The following LMNB2 variants were observed in gnomAD, a reference collection of about 807,000 sequenced individuals.
The protein encoded by LMNB2 is lamin-B2.
A neutral mutation model predicts 69.3 loss-of-function variants in LMNB2; 17 were observed. The observed-to-expected ratio is 0.25, with a 90% CI of 0.17 to 0.37. The LOEUF (loss-of-function observed/expected upper bound fraction) is 0.37, where lower values mean the gene tolerates loss of function less well. LMNB2 is among the 10% of genes least tolerant of loss of function. The pLI is 1.00. For missense variants in LMNB2, 789 were observed against 883.6 expected (o/e 0.89, Z 1.36); for synonymous variants, 397 against 389.3 (o/e 1.02, Z -0.23).
rs572580531 is a variant in LMNB2 at position 2,434,645 on chromosome 19, G to A, written c.982-130C>T. ...GACCAGGCCTGGGCATGGGGCGCAC[G>A]GGAGGGGAGGGAAGGGGCATCGCTG... is the stretch of plus-strand genomic sequence containing the variant. On this transcript the variant is annotated intron_variant, in intron 6 of 11. Transcript: ENST00000325327. 6.7e-5 allele frequency: 100 copies of A among 1,494,248 alleles called. 1 individual carries two copies. The South Asian group carries it at 1.1e-3, about 16-fold the overall frequency. The allele number at this position is 1,494,248 out of a possible 1,614,324, so 92.6% of individuals were successfully genotyped here. A position where few individuals can be genotyped will look rare whatever the true frequency, so the allele number is the denominator to read the frequency against.
At chr19:2,434,221 GC>G in intron 7 of LMNB2, 73 bp downstream of exon 7, 2 of 1,556,792 alleles carry the variant, frequency 1.3e-6, no homozygotes, top group Non-Finnish European at 1.7e-6. Context: ...ACTCCCCGCA[GC>G]CCCGTCCCGC....
Position 2,447,004 on chromosome 19 carries a change from C to A in LMNB2, c.265-2464G>T, listed in dbSNP as rs113486722. Among the ~76,000 whole-genome samples, 1 of 151,614 alleles carries A rather than the reference C, an allele frequency of 6.6e-6. No individual in the cohort carries two copies. Among genetic ancestry groups the A allele is most frequent in the Non-Finnish European group, 1.5e-5 (1 of 67,936 alleles). ...AAAAACATACAAAAAATTAGCCAGG[C>A]GTGGTGGTGGGCGCCTGTGGTCCCA... On this transcript the variant is annotated intron_variant, in intron 1 of 11. Coordinates refer to ENST00000325327, the MANE Select transcript of LMNB2 (RefSeq NM_032737.4). The surrounding 1 kb of genome is among the most constrained non-coding windows in gnomAD (Gnocchi z 4.4).
chr19:2,452,811 A>AT (rs1392977182), intron 1 of LMNB2, among the ~76,000 whole-genome samples: 1 of 152,028 alleles, frequency 6.6e-6, no homozygotes, highest in Non-Finnish European at 1.5e-5. Context: ...AGCCTGAAAA[A>AT]ATCTGAACTG....
At position 2,429,325 on chromosome 19, in the gene LMNB2, C is replaced by T. The variant is rs1274665171; in HGVS notation, c.*1586G>A. Reference sequence around the variant, plus strand: ...GCAGGCAAAGCTCCCTACCAGCCGCCTGACTGGGAGCACAGCGGCGTAGCC... The same window carrying T: ...GCAGGCAAAGCTCCCTACCAGCCGCTTGACTGGGAGCACAGCGGCGTAGCC... On this transcript the variant is annotated 3_prime_UTR_variant, in exon 12 of 12. Transcript: ENST00000325327. 2.0e-5 allele frequency: 3 copies of T among 152,302 alleles called. No individual in the cohort carries two copies. The highest frequency in any genetic ancestry group is 6.5e-5 in the Admixed American group (1 of 15,290). 9.4% of individuals were successfully genotyped at this position (152,302 alleles called of 1,614,324 possible).
intron 1 of LMNB2, among the ~76,000 whole-genome samples, chr19:2,444,864 C>T (rs1419880643): frequency 6.6e-6 from 1 of 152,222 alleles, no homozygotes; most frequent in African/African-American, 2.4e-5. Context: ...CAGCGGCGCC[C>T]AGTGCTGGAG....
At position 2,430,951 on chromosome 19, in the gene LMNB2, C is replaced by T. The variant is rs1169054244; in HGVS notation, c.1823G>A (p.Gly608Glu). The change falls in exon 12 of 12, where the codon GGG (glycine) becomes GAG (glutamate). Residue 608 changes from glycine (G) to glutamate (E), a missense_variant and splice_region_variant. By Grantham distance (98) the Gly-to-Glu change is moderately conservative. Around this residue, in one of 3 missense-constraint regions of LMNB2, gnomAD observed 609 missense variants for 630.9 expected, o/e 0.97. Coordinates refer to ENST00000325327, the MANE Select transcript of LMNB2 (RefSeq NM_032737.4). ...GCCTCTTGAGGTGGTCCTCGGGTCCCCCTGCAGGAAGGAAGGAAGGAAGGT... is the reference window on the plus strand; with the variant it reads ...GCCTCTTGAGGTGGTCCTCGGGTCCTCCTGCAGGAAGGAAGGAAGGAAGGT... ...FGEEDLFHQQ[G>E]DPRTTSRGCY... is the part of the protein sequence containing the mutation. 2 of 1,608,928 alleles carry T rather than the reference C, an allele frequency of 1.2e-6. No homozygotes were observed. Among genetic ancestry groups the T allele is most frequent in the Non-Finnish European group, 1.7e-6 (2 of 1,175,718 alleles).
In LMNB2 at chr19:2,435,156, G is replaced by A. The variant is rs148936043; in HGVS notation, c.700C>T (p.Arg234Trp). 1.7e-4 allele frequency: 275 copies of A among 1,602,770 alleles called. 1 individual carries two copies. The highest frequency in any genetic ancestry group is 2.2e-4 in the Non-Finnish European group (261 of 1,179,576). Residue 234 changes from arginine (R) to tryptophan (W), a missense_variant, in exon 5 of 12, where the codon CGG (arginine) becomes TGG (tryptophan). Arg to Trp is a moderately radical substitution (Grantham distance 101). Around this residue, in one of 3 missense-constraint regions of LMNB2, gnomAD observed 609 missense variants for 630.9 expected, o/e 0.97. Transcript: ENST00000325327. ...SVFEEEVRET[R>W]RRHERRLVEV... is the part of the protein sequence containing the mutation. Reference sequence around the variant, plus strand: ...ACCAGGCGCCGCTCGTGCCGCCGCCGCGTCTCCCGCACCTCCTGCGGACCA... The same window carrying A: ...ACCAGGCGCCGCTCGTGCCGCCGCCACGTCTCCCGCACCTCCTGCGGACCA...
intron 4 of LMNB2, among the ~76,000 whole-genome samples, chr19:2,437,567 G>A (rs1166996326): frequency 2.0e-5 from 3 of 152,188 alleles, no homozygotes; most frequent in Admixed American, 6.5e-5. Flanking sequence ...TTGGGAGGCC[G>A]AGGCGGATGA....
At chr19:2,451,874 G>A (rs533794980) in intron 1 of LMNB2, among the ~76,000 whole-genome samples, 3 of 152,114 alleles carry the variant, frequency 2.0e-5, no homozygotes, top group East Asian at 1.9e-4. Context: ...CTCCACGCTC[G>A]CCTGGGCCGC....
chr19:2,434,442 A>T lies in LMNB2; in HGVS notation c.1055T>A (p.Met352Lys), dbSNP rs1370989745. Residue 352 changes from methionine to lysine, a missense_variant, in exon 7 of 12, where the codon ATG (methionine) becomes AAG (lysine). By Grantham distance (95) the Met-to-Lys change is moderately conservative. Coordinates refer to ENST00000325327, the MANE Select transcript of LMNB2 (RefSeq NM_032737.4). ...MAGERDKFRK[M>K]LDAKEQEMTE... ...CATCTCCTGCTCCTTGGCGTCCAGC[A>T]TCTTCCGGAACTTGTCCCGCTCCCC... The T allele has an allele frequency of 6.2e-6, 10 of 1,613,324 alleles. No individual in the cohort carries two copies. The highest frequency in any genetic ancestry group is 7.6e-6 in the Non-Finnish European group (9 of 1,179,996).
rs1273682082 is a variant in LMNB2, at chr19:2,433,807, C to G, written c.1482+19G>C. 1 of 1,612,992 alleles carries G rather than the reference C, an allele frequency of 6.2e-7. No individual in the cohort carries two copies. The highest frequency in any genetic ancestry group is 1.7e-5 in the Admixed American group (1 of 59,992). ...GCTGGGTCACCCCGTTACCCCCATG[C>G]CCCGGTCTTTCCGGTCACCTTGTCC... On this transcript the variant is annotated intron_variant, in intron 8 of 11. Coordinates refer to ENST00000325327, the MANE Select transcript of LMNB2 (RefSeq NM_032737.4).
intron 3 of LMNB2, 24 bp downstream of exon 3, chr19:2,438,351 C>CCAG: frequency 1.9e-6 from 3 of 1,613,272 alleles, no homozygotes; most frequent in Middle Eastern, 1.7e-4. Context: ...CCTGCTGGGG[C>CCAG]GTCCCGTGGC....
At chr19:2,444,974 G>A (rs1971938954) in intron 1 of LMNB2, among the ~76,000 whole-genome samples, 1 of 152,218 alleles carries the variant, frequency 6.6e-6, no homozygotes. Context: ...CTTGGCCGCT[G>A]TCATAGCGAC....
intron 4 of LMNB2, among the ~76,000 whole-genome samples, 170 bp downstream of exon 4, chr19:2,437,992 TG>T (rs1458195602): frequency 3.3e-5 from 5 of 152,090 alleles, no homozygotes; most frequent in African/African-American, 1.2e-4. Flanking sequence ...AGGCAGACAC[TG>T]GGGAGACGCA....
intron 2 of LMNB2, among the ~76,000 whole-genome samples, chr19:2,442,476 G>C (rs796268552): frequency 2.6e-5 from 4 of 152,322 alleles, no homozygotes; most frequent in African/African-American, 9.6e-5. Context: ...GGCTGAGGCA[G>C]GAGAATCGTT....
intron 2 of LMNB2, among the ~76,000 whole-genome samples, chr19:2,444,001 C>T (rs1971926338): frequency 6.6e-6 from 1 of 152,144 alleles, no homozygotes; most frequent in Non-Finnish European, 1.5e-5. Context: ...CAAGAACATC[C>T]AACCACAGGG....
chr19:2,441,455 C>T (rs752060407), intron 2 of LMNB2, among the ~76,000 whole-genome samples: 24 of 152,256 alleles, frequency 1.6e-4, no homozygotes, highest in Non-Finnish European at 3.4e-4. Flanking sequence ...AGCAGATCTC[C>T]AGCAGGGTCT....
intron 1 of LMNB2, among the ~76,000 whole-genome samples, chr19:2,449,451 A>C (rs1971995093): frequency 6.6e-6 from 1 of 152,214 alleles, no homozygotes; most frequent in South Asian, 2.1e-4. Context: ...TAGTTTGTTC[A>C]TTGTAGATTT....
chr19:2,435,054 C>G lies in LMNB2; in HGVS notation c.802G>C (p.Asp268His). 6.2e-7 allele frequency: 1 copy of G among 1,610,514 alleles called. No individual in the cohort carries two copies. Reference sequence around the variant, plus strand: ...AGCTTGTAGAGCCGCACTTGCTCGTCGTGCTGGCTCCGCAGCTCCTCCAGC... The same window carrying G: ...AGCTTGTAGAGCCGCACTTGCTCGTGGTGCTGGCTCCGCAGCTCCTCCAGC... Reference protein sequence around the residue: ...QALEELRSQHDEQVRLYKLEL... With the variant: ...QALEELRSQHHEQVRLYKLEL... Residue 268 changes from aspartate (D) to histidine (H), a missense_variant, in exon 5 of 12, where the codon GAC becomes CAC. By Grantham distance (81) the Asp-to-His change is moderately conservative. This residue lies in a region of LMNB2 where 609 missense variants were observed against 630.9 expected (regional missense o/e 0.97). Coordinates refer to ENST00000325327, the MANE Select transcript of LMNB2 (RefSeq NM_032737.4).
Sources: allele counts gnomAD v4.1 joint callset (sites outside exome capture counted in the v4.1 genomes callset), GRCh38; gene constraint gnomAD v4.1.1; regional missense constraint gnomAD v4.1.1; non-coding constraint Gnocchi (gnomAD v3.1); transcripts MANE v1.5; gene names NCBI Gene and HGNC (gene_info 2026-07-23, HGNC 2026-07-21).